Variants in SPPL3 observed in about 807,000 individuals in gnomAD.
The protein encoded by SPPL3 is signal peptide peptidase like 3, also known as signal peptide peptidase-like 3.
Under a neutral mutation model 42.4 loss-of-function variants are expected in SPPL3, and 5 were observed. That is an observed-to-expected ratio of 0.12 (90% confidence interval 0.06 to 0.25). SPPL3 has a LOEUF of 0.25. SPPL3 is among the 10% of genes least tolerant of loss of function. The pLI is 1.00. For missense variants in SPPL3, 235 were observed against 489.0 expected (o/e 0.48, Z 4.90); for synonymous variants, 195 against 181.8 (o/e 1.07, Z -0.58).
chr12:120,825,697 A>T (rs1286794420), intron 1 of SPPL3, among the ~76,000 whole-genome samples: 1 of 152,234 alleles, frequency 6.6e-6, no homozygotes, highest in Non-Finnish European at 1.5e-5. Context: ...ACGTCACCTG[A>T]AAACATTGCT....
At chr12:120,793,756 G>A (rs931450828) in intron 2 of SPPL3, among the ~76,000 whole-genome samples, 1 of 152,150 alleles carries the variant, frequency 6.6e-6, no homozygotes, top group African/African-American at 2.4e-5. Flanking sequence ...TGGCAGCCTG[G>A]GCTAATGCAG....
intron 6 of SPPL3, among the ~76,000 whole-genome samples, chr12:120,777,873 T>C (rs1456974854): frequency 6.6e-6 from 1 of 152,006 alleles, no homozygotes; most frequent in African/African-American, 2.4e-5. Flanking sequence ...TCAGCAAAGG[T>C]GAATTACTAC....
intron 1 of SPPL3, among the ~76,000 whole-genome samples, chr12:120,897,738 T>C (rs998960999): frequency 7.9e-5 from 12 of 152,050 alleles, no homozygotes; most frequent in African/African-American, 2.9e-4. Context: ...ATAATAATAA[T>C]AATGAGCAAA....
intron 1 of SPPL3, among the ~76,000 whole-genome samples, chr12:120,822,677 C>A (rs1242888845): frequency 6.6e-6 from 1 of 152,036 alleles, no homozygotes; most frequent in African/African-American, 2.4e-5. Context: ...GTCTCTTGAG[C>A]CCCAGAGCAA....
intron 1 of SPPL3, among the ~76,000 whole-genome samples, chr12:120,832,865 T>C (rs1003796712): frequency 1.3e-5 from 2 of 152,176 alleles, no homozygotes; most frequent in Non-Finnish European, 2.9e-5. Context: ...AAACAACCAG[T>C]GTGTTAGACA....
intron 1 of SPPL3, among the ~76,000 whole-genome samples, chr12:120,882,484 T>C (rs901595985): frequency 2.0e-5 from 3 of 152,254 alleles, no homozygotes; most frequent in East Asian, 1.9e-4. Flanking sequence ...TGTGTTTTCA[T>C]GCACACATTT....
chr12:120,815,033 G>C (rs1870819294), intron 1 of SPPL3, among the ~76,000 whole-genome samples: 1 of 152,076 alleles, frequency 6.6e-6, no homozygotes, highest in Non-Finnish European at 1.5e-5. Flanking sequence ...GTGGACACTG[G>C]GGTTGTTTCC....
intron 1 of SPPL3, among the ~76,000 whole-genome samples, chr12:120,857,801 A>C (rs1033987856): frequency 6.6e-6 from 1 of 152,162 alleles, no homozygotes; most frequent in African/African-American, 2.4e-5. Flanking sequence ...GGAACAACAC[A>C]CACCAGAGCC....
intron 1 of SPPL3, among the ~76,000 whole-genome samples, chr12:120,887,211 G>T (rs1242218390): frequency 2.0e-5 from 3 of 152,088 alleles, no homozygotes; most frequent in African/African-American, 7.2e-5. Context: ...GCCTCTCAAA[G>T]TGCTGGGATT....
intron 1 of SPPL3, among the ~76,000 whole-genome samples, chr12:120,898,294 CTGTT>C (rs1873871152): frequency 1.2e-5 from 1 of 82,244 alleles, no homozygotes; most frequent in Non-Finnish European, 2.3e-5. Flanking sequence ...GAGCAAGACT[CTGTT>C]TTTTTTTTTT....
At chr12:120,870,810 G>GC (rs1322362521) in intron 1 of SPPL3, among the ~76,000 whole-genome samples, 1 of 152,118 alleles carries the variant, frequency 6.6e-6, no homozygotes, top group Non-Finnish European at 1.5e-5. Flanking sequence ...AATGGTGGCT[G>GC]CCAGGGGCTC....
At chr12:120,848,203 T>A (rs1872107159) in intron 1 of SPPL3, among the ~76,000 whole-genome samples, 1 of 152,180 alleles carries the variant, frequency 6.6e-6, no homozygotes, top group Non-Finnish European at 1.5e-5. Context: ...GGTTGCTCTA[T>A]AAGCAACTAA....
chr12:120,883,139 C>T (rs1346434423), intron 1 of SPPL3, among the ~76,000 whole-genome samples: 1 of 151,814 alleles, frequency 6.6e-6, no homozygotes, highest in Non-Finnish European at 1.5e-5. Flanking sequence ...CCCGTCTCTA[C>T]TAAAAATACA....
chr12:120,899,507 T>A (rs1226627938), intron 1 of SPPL3, among the ~76,000 whole-genome samples: 1 of 152,050 alleles, frequency 6.6e-6, no homozygotes, highest in African/African-American at 2.4e-5. Context: ...TGTCATATGG[T>A]CCTTACTCTC....
chr12:120,867,559 A>G (rs982329570), intron 1 of SPPL3, among the ~76,000 whole-genome samples: 29 of 151,682 alleles, frequency 1.9e-4, no homozygotes, highest in Non-Finnish European at 4.4e-5. Context: ...CAGCTACTTG[A>G]GAGGCTGAGG....
chr12:120,808,060 T>G (rs1870562057), intron 2 of SPPL3, among the ~76,000 whole-genome samples: 1 of 151,866 alleles, frequency 6.6e-6, no homozygotes, highest in African/African-American at 2.4e-5. Context: ...ATTTTCATTT[T>G]GGGCTTCAGT....
chr12:120,860,876 T>C (rs1289226712), intron 1 of SPPL3, among the ~76,000 whole-genome samples: 1 of 152,162 alleles, frequency 6.6e-6, no homozygotes, highest in East Asian at 1.9e-4. Flanking sequence ...GACAACCCCC[T>C]ACTCCCCTTC....
At chr12:120,783,874 T>G (rs1869624908) in intron 4 of SPPL3, 122 bp from the exon 5 acceptor site, 2 of 781,204 alleles carry the variant, frequency 2.6e-6, no homozygotes, top group Non-Finnish European at 4.1e-6. Flanking sequence ...AGAAGAAAAA[T>G]GTCTTCCTTT....
chr12:120,900,474 G>A (rs1873940130), intron 1 of SPPL3, among the ~76,000 whole-genome samples: 1 of 151,538 alleles, frequency 6.6e-6, no homozygotes, highest in Non-Finnish European at 1.5e-5. Context: ...GCGTGGTGGG[G>A]CACACCTGTA....
Sources: gnomAD v4.1 joint callset for allele counts (sites outside exome capture counted in the v4.1 genomes callset) on GRCh38, gnomAD v4.1.1 for gene constraint, MANE v1.5 for transcripts, NCBI Gene and HGNC (gene_info 2026-07-23, HGNC 2026-07-21) for gene names.